The following ZNF213 variants were observed in gnomAD, a reference collection of about 807,000 sequenced individuals.
ZNF213 encodes zinc finger protein 213.
In ZNF213, 32 loss-of-function variants were observed where a neutral mutation model predicts 46.0. That is an observed-to-expected ratio of 0.70 (90% CI 0.52 to 0.93). The LOEUF (loss-of-function observed/expected upper bound fraction) is 0.93, where lower values mean the gene tolerates loss of function less well. Among genes scored for constraint, ZNF213 ranks in the 40% least tolerant of loss-of-function variants. ZNF213 has a pLI of 0.00. For missense variants in ZNF213, 639 were observed against 652.8 expected (o/e 0.98, Z 0.23); for synonymous variants, 297 against 271.0 (o/e 1.10, Z -0.94).
intron 1 of ZNF213, among the ~76,000 whole-genome samples, chr16:3,135,842 CTT>C (rs58418648): frequency 3.8e-5 from 5 of 132,250 alleles, no homozygotes; most frequent in Admixed American, 7.7e-5. Flanking sequence ...TCTTTTCTTT[CTT>C]TTTTTTTTTT....
rs1477526241 is a variant in ZNF213 at position 3,135,047 on chromosome 16, G to C, written c.-456G>C. The C allele has an allele frequency of 6.6e-6, 1 of 151,622 alleles. No homozygotes were observed. The highest frequency in any genetic ancestry group is 1.5e-5 in the Non-Finnish European group (1 of 67,634). 9.4% of individuals were successfully genotyped at this position (151,622 alleles called of 1,614,324 possible). A position where few individuals can be genotyped will look rare whatever the true frequency, so the allele number is the denominator to read the frequency against. Reference sequence around the variant, plus strand: ...GCCCCGCGAGGACTTCCGGCGCCGGGAGCTCGCGGCGGAAGTGGGATCTCC... The same window carrying C: ...GCCCCGCGAGGACTTCCGGCGCCGGCAGCTCGCGGCGGAAGTGGGATCTCC... On this transcript the variant is annotated 5_prime_UTR_variant, in exon 1 of 6. Coordinates refer to ENST00000396878, the MANE Select transcript of ZNF213 (RefSeq NM_004220.3).
rs1182003844 is a variant in ZNF213, at chr16:3,138,260, T to A, written c.400-158T>A. 7 of 1,391,454 alleles carry A rather than the reference T, an allele frequency of 5.0e-6. No individual in the cohort carries two copies. The African/African-American group carries it at 1.0e-4, about 20-fold the overall frequency. 86.2% of individuals were successfully genotyped at this position (1,391,454 alleles called of 1,614,324 possible). On this transcript the variant is annotated intron_variant, in intron 2 of 5. Coordinates refer to ENST00000396878, the MANE Select transcript of ZNF213 (RefSeq NM_004220.3). ...CTTGGGCACACAGCATTACCTGGTA[T>A]CACATTCTCCTCCGGACTTTTCCTG... is the stretch of plus-strand genomic sequence containing the variant.
chr16:3,141,017 C>T lies in ZNF213; in HGVS notation c.1050C>T (p.Cys350=). The change falls in exon 6 of 6, where the codon TGC becomes TGT. Residue 350 remains cysteine, a synonymous_variant. Coordinates refer to ENST00000396878, the MANE Select transcript of ZNF213 (RefSeq NM_004220.3). ...AGAAGCCACACAAGTGCCCTGAGTG[C>T]GACAAGAGCTTCCGCAGCTCCTCGG... ...TGEKPHKCPE[C]DKSFRSSSDL... 1 of 1,612,350 alleles carries T rather than the reference C, an allele frequency of 6.2e-7. No individual in the cohort carries two copies. The highest frequency in any genetic ancestry group is 8.5e-7 in the Non-Finnish European group (1 of 1,179,672).
In ZNF213 at chr16:3,138,405, G is replaced by A. The variant is rs1212260289; in HGVS notation, c.400-13G>A. 1.9e-6 allele frequency: 3 copies of A among 1,613,346 alleles called. No individual in the cohort carries two copies. Among genetic ancestry groups the A allele is most frequent in the Non-Finnish European group, 2.5e-6 (3 of 1,179,670 alleles). On this transcript the variant is annotated splice_polypyrimidine_tract_variant and intron_variant, in intron 2 of 5. Coordinates refer to ENST00000396878, the MANE Select transcript of ZNF213 (RefSeq NM_004220.3). ...GGTCTCGGGCTGATGAGCATGTTGT[G>A]GTTCCTGCACAGGATGTGCCCTCGG...
chr16:3,141,063 G>A lies in ZNF213; in HGVS notation c.1096G>A (p.Val366Met), dbSNP rs1251449448. 1 of 1,612,934 alleles carries A rather than the reference G, an allele frequency of 6.2e-7. No individual in the cohort carries two copies. Among genetic ancestry groups the A allele is most frequent in the Non-Finnish European group, 8.5e-7 (1 of 1,179,784 alleles). ...SSSDLVRHQG[V>M]HTGEKPFSCS... is the part of the protein sequence containing the mutation. ...CTCGGACCTGGTGCGCCACCAAGGC[G>A]TGCACACGGGCGAGAAGCCCTTCTC... Residue 366 changes from valine (V) to methionine (M), a missense_variant, in exon 6 of 6, where the codon GTG (valine) becomes ATG (methionine). Val to Met is a conservative substitution (Grantham distance 21). Coordinates refer to ENST00000396878, the MANE Select transcript of ZNF213 (RefSeq NM_004220.3).
rs754444561 is a variant in ZNF213 at position 3,137,697 on chromosome 16, ATCCAGGGGCACCTGGATGGTATCTGAG to A, written c.399+19_399+45del. 2.5e-6 allele frequency: 4 copies of A among 1,610,870 alleles called. No individual in the cohort carries two copies. Among genetic ancestry groups the A allele is most frequent in the Non-Finnish European group, 3.4e-6 (4 of 1,178,806 alleles). On this transcript the variant is annotated intron_variant, in intron 2 of 5. Transcript: ENST00000396878. ...GGCGACAGGTGAGGGGCCCTTCCAC[ATCCAGGGGCACCTGGATGGTATCTGAG>A]CTCGAGAGAAGTGGGTAACCTGCAG...
chr16:3,139,191 A>G lies in ZNF213; in HGVS notation c.721+93A>G, dbSNP rs762198649. 5.8e-6 allele frequency: 9 copies of G among 1,542,422 alleles called. No homozygotes were observed. The South Asian group carries it at 1.1e-4, about 19-fold the overall frequency. On this transcript the variant is annotated intron_variant, in intron 5 of 5. Coordinates refer to ENST00000396878, the MANE Select transcript of ZNF213 (RefSeq NM_004220.3). ...CCCACCCCATCCTTAGCTGGTTCCA[A>G]AGCAGGCTCTCCCTAGGTCTTGCCA...
chr16:3,138,843 C>T, intron 4 of ZNF213, 25 bp downstream of exon 4: 1 of 1,614,064 alleles, frequency 6.2e-7, no homozygotes, highest in South Asian at 1.1e-5. Flanking sequence ...CCTTTGTCTT[C>T]TTTAAGGCAC....
In ZNF213 at chr16:3,135,124, C is replaced by CGGGGGCGGGGGCG. The variant is rs1284325425; in HGVS notation, c.-375_-374insGCGGGGGCGGGGG. 5.4e-4 allele frequency: 4 copies of CGGGGGCGGGGGCG among 7,392 alleles called. No homozygotes were observed. Among genetic ancestry groups the CGGGGGCGGGGGCG allele is most frequent in the African/African-American group, 1.2e-3 (2 of 1,678 alleles). 0.5% of individuals were successfully genotyped at this position (7,392 alleles called of 1,614,324 possible). On this transcript the variant is annotated 5_prime_UTR_variant, in exon 1 of 6. Transcript: ENST00000396878. ...CGGGGGCGGGGGCGGGGGCGGGGGCCGGGGCGGGGACGGGGCCTCTGGCCG... is the reference window on the plus strand; with the variant it reads ...CGGGGGCGGGGGCGGGGGCGGGGGCCGGGGGCGGGGGCGGGGGCGGGGACGGGGCCTCTGGCCG...
rs1173256564 is a variant in ZNF213 at position 3,135,105 on chromosome 16, C to A, written c.-398C>A. The A allele has an allele frequency of 8.2e-4, 2 of 2,428 alleles. No individual in the cohort carries two copies. Among genetic ancestry groups the A allele is most frequent in the Non-Finnish European group, 2.1e-3 (2 of 942 alleles). 0.2% of individuals were successfully genotyped at this position (2,428 alleles called of 1,614,324 possible). A position where few individuals can be genotyped will look rare whatever the true frequency, so the allele number is the denominator to read the frequency against. ...TAGTGGGCGTTGTGTGTTTCGGGGGCGGGGGCGGGGGCGGGGGCCGGGGCG... is the reference window on the plus strand; with the variant it reads ...TAGTGGGCGTTGTGTGTTTCGGGGGAGGGGGCGGGGGCGGGGGCCGGGGCG... On this transcript the variant is annotated 5_prime_UTR_variant, in exon 1 of 6. Transcript: ENST00000396878.
chr16:3,138,351 C>G, intron 2 of ZNF213, 67 bp from the exon 3 acceptor site: 1 of 1,597,496 alleles, frequency 6.3e-7, no homozygotes, highest in Middle Eastern at 1.7e-4. Context: ...GTCTCCTTCC[C>G]AGGGAGTAAA....
chr16:3,141,367 A>C lies in ZNF213; in HGVS notation c.*20A>C. 1 of 1,523,698 alleles carries C rather than the reference A, an allele frequency of 6.6e-7. No individual in the cohort carries two copies. 94.4% of individuals were successfully genotyped at this position (1,523,698 alleles called of 1,614,324 possible). ...GGGTGAGCAGCTGGCTTGGCCGGAAACCCGGGGGAGGCCCAGCCACGGCAC... is the reference window on the plus strand; with the variant it reads ...GGGTGAGCAGCTGGCTTGGCCGGAACCCCGGGGGAGGCCCAGCCACGGCAC... On this transcript the variant is annotated 3_prime_UTR_variant, in exon 6 of 6. Coordinates refer to ENST00000396878, the MANE Select transcript of ZNF213 (RefSeq NM_004220.3).
chr16:3,137,780 G>T lies in ZNF213; in HGVS notation c.399+101G>T, dbSNP rs111558792. On this transcript the variant is annotated intron_variant, in intron 2 of 5. Coordinates refer to ENST00000396878, the MANE Select transcript of ZNF213 (RefSeq NM_004220.3). ...AGTCTCCCAGAGGCTCACAGGGTAGGGGAGACACAGAGCCCCCAGGAGCAG... is the reference window on the plus strand; with the variant it reads ...AGTCTCCCAGAGGCTCACAGGGTAGTGGAGACACAGAGCCCCCAGGAGCAG... 4 of 1,431,332 alleles carry T rather than the reference G, an allele frequency of 2.8e-6. No homozygotes were observed. In the African/African-American group the frequency reaches 4.3e-5, roughly 15 times the overall value. 88.7% of individuals were successfully genotyped at this position (1,431,332 alleles called of 1,614,324 possible).
chr16:3,137,562 G>T lies in ZNF213; in HGVS notation c.282G>T (p.Leu94=). 6.2e-7 allele frequency: 1 copy of T among 1,614,082 alleles called. No homozygotes were observed. Among genetic ancestry groups the T allele is most frequent in the Non-Finnish European group, 8.5e-7 (1 of 1,180,046 alleles). The change falls in exon 2 of 6, where the codon CTG becomes CTT. Residue 94 remains leucine (L), a synonymous_variant. Transcript: ENST00000396878. ...ILELLVLEQF[L]TVLPGEIQGW... is the part of the protein sequence containing the mutation. ...AGCTGCTGGTGCTGGAGCAGTTCCT[G>T]ACAGTGCTGCCAGGGGAGATCCAGG...
Position 3,140,942 on chromosome 16 carries a change from C to T in ZNF213, c.975C>T (p.Arg325=). 4 of 1,600,906 alleles carry T rather than the reference C, an allele frequency of 2.5e-6. No homozygotes were observed. The highest frequency in any genetic ancestry group is 3.4e-6 in the Non-Finnish European group (4 of 1,176,606). Residue 325 remains arginine (R), a synonymous_variant, in exon 6 of 6, where the codon CGC becomes CGT. Transcript: ENST00000396878. The part of the protein sequence containing the change: ...KPHSCGQCGK[R]FRWGSDLARH... ...ACAGCTGCGGGCAGTGTGGAAAGCG[C>T]TTCCGCTGGGGCTCGGACCTGGCGC... is the stretch of plus-strand genomic sequence containing the variant.
Position 3,138,308 on chromosome 16 carries a change from C to T in ZNF213, c.400-110C>T, listed in dbSNP as rs74003313. ...CTGGGGCACCATATTGGTCTCCTTCCCACACCCCAGCATCCTGAGGGTCAT... is the reference window on the plus strand; with the variant it reads ...CTGGGGCACCATATTGGTCTCCTTCTCACACCCCAGCATCCTGAGGGTCAT... On this transcript the variant is annotated intron_variant, in intron 2 of 5. Transcript: ENST00000396878. The T allele has an allele frequency of 9.1e-3, 14,048 of 1,541,580 alleles. 1,001 individuals carry two copies. In the African/African-American group the frequency reaches 0.16, roughly 18 times the overall value.
intron 1 of ZNF213, 116 bp from the exon 2 acceptor site, chr16:3,137,043 GTAAAGCC>G: frequency 2.0e-6 from 1 of 502,362 alleles, no homozygotes. Flanking sequence ...AGGCATTACA[GTAAAGCC>G]TAGAAAAGGC....
chr16:3,137,450 A>T lies in ZNF213; in HGVS notation c.170A>T (p.His57Leu), dbSNP rs537954118. Residue 57 changes from histidine to leucine, a missense_variant, in exon 2 of 6, where the codon CAT becomes CTT. Physicochemically the swap from His to Leu is moderately conservative, Grantham distance 99. Transcript: ENST00000396878. ...RFRQFCYGDV[H>L]GPHEAFSQLW... ...CGGCAATTCTGCTACGGGGATGTGCATGGGCCTCATGAGGCCTTCAGCCAG... is the reference window on the plus strand; with the variant it reads ...CGGCAATTCTGCTACGGGGATGTGCTTGGGCCTCATGAGGCCTTCAGCCAG... The T allele has an allele frequency of 6.8e-6, 11 of 1,613,950 alleles. No homozygotes were observed. Among genetic ancestry groups the T allele is most frequent in the Non-Finnish European group, 9.3e-6 (11 of 1,180,018 alleles).
intron 2 of ZNF213, chr16:3,137,957 G>A: frequency 5.6e-6 from 3 of 536,306 alleles, no homozygotes; most frequent in Non-Finnish European, 9.9e-6. Flanking sequence ...GTCTGCTGAT[G>A]TTTATTTGCA....
Sources: allele counts gnomAD v4.1 joint callset (sites outside exome capture counted in the v4.1 genomes callset), GRCh38; gene constraint gnomAD v4.1.1; transcripts MANE v1.5; gene names NCBI Gene and HGNC (gene_info 2026-07-23, HGNC 2026-07-21).